The following HECW2 variants were observed in gnomAD, a reference collection of about 807,000 sequenced individuals.
HECW2 encodes the protein HECT, C2 and WW domain containing E3 ubiquitin protein ligase 2.
In HECW2, 61 loss-of-function variants were observed where a neutral mutation model predicts 175.2. The observed-to-expected ratio is 0.35, with a 90% confidence interval of 0.28 to 0.43. The LOEUF is 0.43. Ranked by LOEUF, HECW2 falls within the 20% of genes least tolerant of loss-of-function variation. The pLI is 1.00. For synonymous variants in HECW2, 671 were observed against 731.0 expected (o/e 0.92, Z 1.32); for missense variants, 1,524 against 2,000.5 (o/e 0.76, Z 4.54).
Position 196,429,240 on chromosome 2 carries a change from T to TA in HECW2, c.292+3891_292+3892insT, listed in dbSNP as rs1553516648. Among the ~76,000 whole-genome samples the TA allele has an allele frequency of 6.6e-5, 10 of 151,412 alleles. No individual in the cohort carries two copies. The South Asian group carries it at 1.7e-3, about 25-fold the overall frequency. ...TACAAGTTTAGACCTTTCCTGAGCC[T>TA]GGGGGGGGCCTACCTGCCCTGAGAT... On this transcript the variant is annotated intron_variant, in intron 2 of 28. Coordinates refer to ENST00000644978, the MANE Select transcript of HECW2 (RefSeq NM_001348768.2).
chr2:196,542,345 T>G (rs1161387471), intron 1 of HECW2, among the ~76,000 whole-genome samples: 2 of 150,790 alleles, frequency 1.3e-5, no homozygotes, highest in Non-Finnish European at 2.9e-5. Flanking sequence ...GAACTAGAAT[T>G]GAAACCACAC....
intron 15 of HECW2, among the ~76,000 whole-genome samples, chr2:196,278,037 T>A (rs1226420567): frequency 7.0e-6 from 1 of 142,310 alleles, no homozygotes; most frequent in Admixed American, 7.1e-5. Context: ...AAATGATGAG[T>A]TAATGGGTGC....
chr2:196,242,174 G>A lies in HECW2; in HGVS notation c.3560C>T (p.Ala1187Val). 1 of 1,614,164 alleles carries A rather than the reference G, an allele frequency of 6.2e-7. No individual in the cohort carries two copies. Among genetic ancestry groups the A allele is most frequent in the Non-Finnish European group, 8.5e-7 (1 of 1,180,014 alleles). ...GTQRANARAP[A>V]PYKRDFEAKL... ...GGCTTCGAAATCCCGCTTGTAAGGG[G>A]CTGGAGCCCGGGCATTGGCACGCTG... The change falls in exon 20 of 29, where the codon GCC becomes GTC. Residue 1187 changes from alanine to valine, a missense_variant. Transcript: ENST00000644978.
At chr2:196,449,456 T>G (rs1282844241) in intron 1 of HECW2, among the ~76,000 whole-genome samples, 1 of 152,226 alleles carries the variant, frequency 6.6e-6, no homozygotes, top group Non-Finnish European at 1.5e-5. Flanking sequence ...TACAAAATGA[T>G]AGTACTATAT....
At chr2:196,446,473 TGACA>T (rs1156587836) in intron 1 of HECW2, among the ~76,000 whole-genome samples, 1 of 152,212 alleles carries the variant, frequency 6.6e-6, no homozygotes, top group African/African-American at 2.4e-5. Flanking sequence ...GAGTCAGAAA[TGACA>T]GACAGACATC....
intron 1 of HECW2, among the ~76,000 whole-genome samples, chr2:196,549,163 T>C (rs1689524156): frequency 6.6e-6 from 1 of 152,178 alleles, no homozygotes. Context: ...ATAACAGATT[T>C]GGAAAATGCT....
chr2:196,548,912 A>G (rs1689516121), intron 1 of HECW2, among the ~76,000 whole-genome samples: 2 of 152,112 alleles, frequency 1.3e-5, no homozygotes, highest in Non-Finnish European at 2.9e-5. Flanking sequence ...TAAGGACACC[A>G]GTTATACTGG....
intron 1 of HECW2, among the ~76,000 whole-genome samples, chr2:196,463,544 C>T (rs1696831470): frequency 6.6e-6 from 1 of 152,056 alleles, no homozygotes; most frequent in South Asian, 2.1e-4. Context: ...TGCAGAGTGG[C>T]ATTCGTTTGC....
intron 1 of HECW2, among the ~76,000 whole-genome samples, chr2:196,455,373 T>A (rs1376380907): frequency 3.3e-5 from 5 of 152,236 alleles, no homozygotes; most frequent in Non-Finnish European, 4.4e-5. Flanking sequence ...AAGTAGTCAA[T>A]CATATCATTT....
chr2:196,278,532 C>T lies in HECW2; in HGVS notation c.3131G>A (p.Gly1044Asp), dbSNP rs191845059. The part of the protein sequence containing the change: ...HLTRQRSHSA[G>D]EVGEDSRHAG... ...TCCCCAAAACGCATGACTCACCTCACCCGCACTGTGGCTGCGTTGCCTTGT... is the reference window on the plus strand; with the variant it reads ...TCCCCAAAACGCATGACTCACCTCATCCGCACTGTGGCTGCGTTGCCTTGT... Residue 1044 changes from glycine (G) to aspartate (D), a missense_variant, in exon 15 of 29, where the codon GGT becomes GAT. By Grantham distance (94) the Gly-to-Asp change is moderately conservative. Coordinates refer to ENST00000644978, the MANE Select transcript of HECW2 (RefSeq NM_001348768.2). 1.4e-5 allele frequency: 23 copies of T among 1,614,014 alleles called. No individual in the cohort carries two copies. Among genetic ancestry groups the T allele is most frequent in the Non-Finnish European group, 1.9e-5 (22 of 1,179,952 alleles).
chr2:196,492,908 T>C (rs1330495282), intron 1 of HECW2, among the ~76,000 whole-genome samples: 1 of 152,210 alleles, frequency 6.6e-6, no homozygotes, highest in East Asian at 1.9e-4. Flanking sequence ...AAGTTTGTGA[T>C]GTTAGAGAAC....
intron 1 of HECW2, among the ~76,000 whole-genome samples, chr2:196,558,718 C>T (rs1011363223): frequency 2.6e-5 from 4 of 152,206 alleles, no homozygotes; most frequent in Non-Finnish European, 4.4e-5. Flanking sequence ...GATGAATCTG[C>T]CAGGTTGACA....
At chr2:196,377,253 G>C (rs1575478106) in intron 2 of HECW2, among the ~76,000 whole-genome samples, 1 of 152,116 alleles carries the variant, frequency 6.6e-6, no homozygotes, top group South Asian at 2.1e-4. Flanking sequence ...TGGTCATTTT[G>C]ATTTTTTTGT....
chr2:196,549,193 T>C (rs537178405), intron 1 of HECW2, among the ~76,000 whole-genome samples: 4 of 152,152 alleles, frequency 2.6e-5, no homozygotes, highest in Non-Finnish European at 5.9e-5. Flanking sequence ...ATCTACAGCA[T>C]AACAAATAAT....
intron 15 of HECW2, among the ~76,000 whole-genome samples, chr2:196,278,133 A>AAAAAAAAATATATATATAT (rs531920307): frequency 2.9e-4 from 19 of 66,568 alleles, no homozygotes; most frequent in African/African-American, 7.8e-4. Context: ...ATAATTAAAA[A>AAAAAAAAATATATATATAT]ATATATATAT....
intron 2 of HECW2, among the ~76,000 whole-genome samples, chr2:196,414,986 C>A (rs1203696033): frequency 6.6e-6 from 1 of 152,064 alleles, no homozygotes; most frequent in East Asian, 1.9e-4. Context: ...AGGGAAGTAC[C>A]CCTGCTGAGG....
intron 1 of HECW2, among the ~76,000 whole-genome samples, chr2:196,521,479 A>C (rs1367529802): frequency 1.3e-5 from 2 of 151,598 alleles, no homozygotes; most frequent in Non-Finnish European, 1.5e-5. Flanking sequence ...ATTTTATTTC[A>C]TTTTATTTTT....
At chr2:196,316,229 T>C (rs911431535) in intron 10 of HECW2, 1 of 152,196 alleles carries the variant, frequency 6.6e-6, no homozygotes, top group Non-Finnish European at 1.5e-5. Context: ...AAGGGAAAGA[T>C]CTGTGCCCAA....
chr2:196,287,822 T>C (rs1233697096), intron 14 of HECW2, among the ~76,000 whole-genome samples: 2 of 152,112 alleles, frequency 1.3e-5, no homozygotes, highest in Non-Finnish European at 2.9e-5. Context: ...CCATTCCTAT[T>C]TTCTCTCTCC....
Sources: allele counts gnomAD v4.1 joint callset (sites outside exome capture counted in the v4.1 genomes callset), GRCh38; gene constraint gnomAD v4.1.1; transcripts MANE v1.5; gene names NCBI Gene and HGNC (gene_info 2026-07-23, HGNC 2026-07-21).